Variants in PDE6D observed in about 807,000 individuals in gnomAD.
The protein encoded by PDE6D is phosphodiesterase 6D.
Under a neutral mutation model 21.9 loss-of-function variants are expected in PDE6D, and 10 were observed. The observed-to-expected ratio is 0.46, with a 90% CI of 0.28 to 0.78. The LOEUF (loss-of-function observed/expected upper bound fraction) is 0.78, where lower values mean the gene tolerates loss of function less well. Among genes scored for constraint, PDE6D ranks in the 30% least tolerant of loss-of-function variants. The probability of loss-of-function intolerance (pLI) is 0.12; values close to 1 mark genes in which losing one functional copy is unlikely to be tolerated. For synonymous variants in PDE6D, 59 were observed against 63.5 expected, an observed-to-expected ratio of 0.93 and a Z score of 0.34; for missense variants, 139 against 184.8, an observed-to-expected ratio of 0.75 and a Z score of 1.44.
intron 1 of PDE6D, among the ~76,000 whole-genome samples, chr2:231,749,209 C>T (rs545812694): frequency 5.3e-5 from 8 of 152,260 alleles, no homozygotes; most frequent in African/African-American, 1.9e-4. Context: ...GCCACAGAGG[C>T]GGAGCTGCCC....
Position 231,739,015 on chromosome 2 carries a change from G to C in PDE6D, c.139+85C>G, listed in dbSNP as rs1033822940. 2 of 786,782 alleles carry C rather than the reference G, an allele frequency of 2.5e-6. No homozygotes were observed. Among genetic ancestry groups the C allele is most frequent in the Non-Finnish European group, 4.5e-6 (2 of 447,572 alleles). The allele number at this position is 786,782 out of a possible 1,614,324, so 48.7% of individuals were successfully genotyped here. On this transcript the variant is annotated intron_variant, in intron 2 of 4. Transcript: ENST00000287600. The surrounding 1 kb of genome is among the most constrained non-coding windows in gnomAD (Gnocchi z 4.2). ...TCTTCAGGGGCTCACCCGCCTATTA[G>C]GTATGTGTTAACTTAGCTCTCTTAT...
intron 1 of PDE6D, among the ~76,000 whole-genome samples, chr2:231,752,837 T>TTG (rs1291194381): frequency 2.1e-5 from 3 of 145,224 alleles, no homozygotes; most frequent in African/African-American, 7.6e-5. Context: ...TTGAGTTTTT[T>TTG]TTTTTTTTTT....
chr2:231,744,813 A>G (rs1374075108), intron 1 of PDE6D, among the ~76,000 whole-genome samples: 1 of 152,152 alleles, frequency 6.6e-6, no homozygotes, highest in African/African-American at 2.4e-5. Flanking sequence ...TTCAATATAC[A>G]TAGTTATTCC....
At chr2:231,765,096 A>G (rs2048959255) in intron 1 of PDE6D, among the ~76,000 whole-genome samples, 1 of 150,200 alleles carries the variant, frequency 6.7e-6, no homozygotes, top group Non-Finnish European at 1.5e-5. Context: ...TTCCATCTCC[A>G]CGGAAGGGAA....
intron 1 of PDE6D, among the ~76,000 whole-genome samples, chr2:231,769,526 TCTCA>T (rs80321228): frequency 0.011 from 1,699 of 151,748 alleles, 12 homozygotes; most frequent in East Asian, 0.029. Context: ...TCTCTCTCTC[TCTCA>T]CACACACACA....
intron 1 of PDE6D, among the ~76,000 whole-genome samples, chr2:231,751,664 C>A (rs1408129089): frequency 6.6e-6 from 1 of 152,110 alleles, no homozygotes; most frequent in East Asian, 1.9e-4. Context: ...TGTAGGATAT[C>A]CATAAACTGG....
intron 1 of PDE6D, among the ~76,000 whole-genome samples, chr2:231,766,923 G>T (rs1368931820): frequency 1.3e-5 from 2 of 151,218 alleles, no homozygotes; most frequent in African/African-American, 4.9e-5. Flanking sequence ...GAATCCGGGA[G>T]GCGGAGGTTG....
At chr2:231,763,309 A>T (rs1176077615) in intron 1 of PDE6D, among the ~76,000 whole-genome samples, 1 of 152,180 alleles carries the variant, frequency 6.6e-6, no homozygotes, top group Admixed American at 6.5e-5. Flanking sequence ...TTTCTCACTT[A>T]ATCATTTCCC....
intron 4 of PDE6D, among the ~76,000 whole-genome samples, chr2:231,735,730 A>AC (rs2048694748): frequency 7.3e-6 from 1 of 137,928 alleles, no homozygotes; most frequent in Non-Finnish European, 1.7e-5. Flanking sequence ...ACTATTAAAA[A>AC]CTTTAAAAAG....
chr2:231,756,513 T>G (rs1357206427), intron 1 of PDE6D, among the ~76,000 whole-genome samples: 1 of 151,980 alleles, frequency 6.6e-6, no homozygotes, highest in East Asian at 1.9e-4. Flanking sequence ...TGAAGCTCAC[T>G]GCAGCCTTGA....
intron 1 of PDE6D, among the ~76,000 whole-genome samples, chr2:231,740,423 C>T (rs1225832414): frequency 1.3e-5 from 2 of 152,022 alleles, no homozygotes; most frequent in African/African-American, 2.4e-5. Context: ...TGGCTCACAC[C>T]TGTAATTCCA....
chr2:231,780,433 G>A (rs556514210), intron 1 of PDE6D, among the ~76,000 whole-genome samples: 1 of 152,120 alleles, frequency 6.6e-6, no homozygotes, highest in Non-Finnish European at 1.5e-5. Context: ...GTGTTAAGAC[G>A]AGGTCGATCT....
chr2:231,767,153 C>T (rs1451329895), intron 1 of PDE6D, among the ~76,000 whole-genome samples: 1 of 152,068 alleles, frequency 6.6e-6, no homozygotes, highest in African/African-American at 2.4e-5. Context: ...AAAACAATCA[C>T]TAAGGCTCTG....
At chr2:231,734,715 C>T (rs1359268275) in intron 4 of PDE6D, among the ~76,000 whole-genome samples, 7 of 149,890 alleles carry the variant, frequency 4.7e-5, no homozygotes, top group African/African-American at 9.8e-5. Flanking sequence ...GGCGTGGTGG[C>T]GGGTGCCTGT....
chr2:231,766,860 T>C (rs1464975), intron 1 of PDE6D, among the ~76,000 whole-genome samples: 45,003 of 151,640 alleles, frequency 0.3, 6,810 homozygotes, highest in Non-Finnish European at 0.33. Flanking sequence ...GGCATGGTAG[T>C]GCATGCCTGT....
chr2:231,749,125 G>A (rs535412306), intron 1 of PDE6D, among the ~76,000 whole-genome samples: 1 of 152,250 alleles, frequency 6.6e-6, no homozygotes, highest in African/African-American at 2.4e-5. Context: ...AACTTGCACC[G>A]TGCACCTGGA....
intron 4 of PDE6D, among the ~76,000 whole-genome samples, chr2:231,735,652 C>T (rs959106760): frequency 1.3e-5 from 2 of 151,762 alleles, no homozygotes; most frequent in Non-Finnish European, 2.9e-5. Context: ...CTCAAGCAAT[C>T]CTCCCGCCTC....
At chr2:231,738,994 C>T (rs1362008489) in intron 2 of PDE6D, 106 bp downstream of exon 2, 1 of 624,160 alleles carries the variant, frequency 1.6e-6, no homozygotes. Context: ...GCTGTGTCTT[C>T]AGGGGCTCAC....
intron 1 of PDE6D, among the ~76,000 whole-genome samples, chr2:231,773,084 A>C (rs2049027978): frequency 1.3e-5 from 2 of 152,128 alleles, no homozygotes; most frequent in Non-Finnish European, 2.9e-5. Context: ...CAAAGAAAAA[A>C]TACGAAAATT....
Sources: allele counts gnomAD v4.1 joint callset (sites outside exome capture counted in the v4.1 genomes callset), GRCh38; gene constraint gnomAD v4.1.1; non-coding constraint Gnocchi (gnomAD v3.1); transcripts MANE v1.5; gene names NCBI Gene and HGNC (gene_info 2026-07-23, HGNC 2026-07-21).